Variants in CYRIA observed in about 807,000 individuals in gnomAD.
CYRIA encodes CYFIP related Rac1 interactor A.
In CYRIA, 15 loss-of-function variants were observed where a neutral mutation model predicts 43.9. That is an observed-to-expected ratio of 0.34 (90% CI 0.23 to 0.53). The LOEUF is 0.53. Ranked by LOEUF, CYRIA falls within the 20% of genes least tolerant of loss-of-function variation. CYRIA has a pLI of 0.94. For missense variants in CYRIA, 236 were observed against 394.2 expected, an observed-to-expected ratio of 0.60 and a Z score of 3.40; for synonymous variants, 117 against 136.0, an observed-to-expected ratio of 0.86 and a Z score of 0.97.
chr2:16,633,638 C>T (rs963176432), intron 1 of CYRIA, among the ~76,000 whole-genome samples: 24 of 143,540 alleles, frequency 1.7e-4, no homozygotes, highest in Non-Finnish European at 3.1e-4. Context: ...GTCTCAGCCT[C>T]CCACGGTGCT....
chr2:16,626,307 A>T (rs867002604), intron 1 of CYRIA, among the ~76,000 whole-genome samples: 4 of 152,096 alleles, frequency 2.6e-5, no homozygotes, highest in South Asian at 4.1e-4. Context: ...AGAAGCTCAC[A>T]AAAAATACAG....
intron 2 of CYRIA, among the ~76,000 whole-genome samples, chr2:16,592,153 A>G (rs1473793292): frequency 6.6e-6 from 1 of 152,176 alleles, no homozygotes; most frequent in Non-Finnish European, 1.5e-5. Flanking sequence ...CACTCAAAGG[A>G]AATACTCACT....
At chr2:16,563,456 TG>T (rs2103414781) in intron 5 of CYRIA, among the ~76,000 whole-genome samples, 1 of 152,290 alleles carries the variant, frequency 6.6e-6, no homozygotes, top group East Asian at 1.9e-4. Context: ...GCATCCTCCC[TG>T]GGGAGTGATT....
At chr2:16,644,746 G>C (rs943632035) in intron 1 of CYRIA, among the ~76,000 whole-genome samples, 4 of 152,132 alleles carry the variant, frequency 2.6e-5, no homozygotes, top group African/African-American at 9.7e-5. Context: ...GCATCACTGC[G>C]CATGCCTTCC....
rs1666230750 is a variant in CYRIA, at chr2:16,549,818, A to T, written c.*3118T>A. 1 of 152,144 alleles carries T rather than the reference A, an allele frequency of 6.6e-6. No individual in the cohort carries two copies. The highest frequency in any genetic ancestry group is 6.6e-5 in the Admixed American group (1 of 15,252). The allele number at this position is 152,144 out of a possible 1,614,324, so 9.4% of individuals were successfully genotyped here. A position where few individuals can be genotyped will look rare whatever the true frequency, so the allele number is the denominator to read the frequency against. On this transcript the variant is annotated 3_prime_UTR_variant, in exon 12 of 12. Coordinates refer to ENST00000381323, the MANE Select transcript of CYRIA (RefSeq NM_030797.4). ...ATGAAATTATTTTTACTTAAATGTG[A>T]TGATGCATCAGTAACCTCAGTTTAC...
At chr2:16,661,587 A>G (rs962733934) in intron 1 of CYRIA, among the ~76,000 whole-genome samples, 2 of 152,236 alleles carry the variant, frequency 1.3e-5, no homozygotes, top group Admixed American at 1.3e-4. Flanking sequence ...CAACTGCAGA[A>G]GCAATTCTTA....
At chr2:16,564,876 G>A (rs1212128873) in intron 4 of CYRIA, among the ~76,000 whole-genome samples, 10 of 152,098 alleles carry the variant, frequency 6.6e-5, no homozygotes, top group Admixed American at 6.6e-4. Context: ...TAAGACATTT[G>A]AGATGACAAA....
intron 1 of CYRIA, among the ~76,000 whole-genome samples, chr2:16,635,375 A>C (rs1266164457): frequency 6.6e-6 from 1 of 152,330 alleles, no homozygotes; most frequent in East Asian, 1.9e-4. Context: ...AGCTTGCAGG[A>C]ACCCTGGGAG....
intron 2 of CYRIA, among the ~76,000 whole-genome samples, chr2:16,604,974 G>A (rs1350961076): frequency 6.6e-6 from 1 of 152,154 alleles, no homozygotes; most frequent in African/African-American, 2.4e-5. Flanking sequence ...TTTTCAAAAC[G>A]TTTTAACACT....
chr2:16,660,005 G>A (rs1558446207), intron 1 of CYRIA, among the ~76,000 whole-genome samples: 2 of 151,956 alleles, frequency 1.3e-5, no homozygotes, highest in Non-Finnish European at 2.9e-5. Flanking sequence ...CCAGAAAGTG[G>A]CTCCCTTTCT....
chr2:16,561,309 TAA>T (rs1666721702), intron 7 of CYRIA, 32 bp from the exon 8 acceptor site: 1 of 1,556,432 alleles, frequency 6.4e-7, no homozygotes, highest in African/African-American at 1.4e-5. Flanking sequence ...GATGGATTTA[TAA>T]AGAGAAAGTC....
chr2:16,610,249 C>T (rs1317494105), intron 2 of CYRIA, among the ~76,000 whole-genome samples: 2 of 152,156 alleles, frequency 1.3e-5, no homozygotes, highest in African/African-American at 4.8e-5. Flanking sequence ...AGTAACTTGC[C>T]TAGGGTAACT....
At chr2:16,649,017 T>C (rs1389089242) in intron 1 of CYRIA, among the ~76,000 whole-genome samples, 1 of 152,182 alleles carries the variant, frequency 6.6e-6, no homozygotes, top group African/African-American at 2.4e-5. Context: ...GCCTTTCATA[T>C]TCACAGTTCC....
chr2:16,627,261 ACCCTCCGGGGT>A (rs1669200714), intron 1 of CYRIA, among the ~76,000 whole-genome samples: 3 of 146,126 alleles, frequency 2.1e-5, no homozygotes, highest in African/African-American at 8.0e-5. Flanking sequence ...CTGTGTCCCC[ACCCTCCGGGGT>A]GGGCAATCAA....
intron 3 of CYRIA, among the ~76,000 whole-genome samples, chr2:16,574,012 G>A (rs1354988068): frequency 6.6e-6 from 1 of 152,180 alleles, no homozygotes; most frequent in Non-Finnish European, 1.5e-5. Context: ...CAGAAGACAG[G>A]AAAATGTGGA....
At chr2:16,659,038 G>A (rs925516966) in intron 1 of CYRIA, among the ~76,000 whole-genome samples, 8 of 152,214 alleles carry the variant, frequency 5.3e-5, no homozygotes, top group Admixed American at 2.0e-4. Context: ...GTGGAGGTGG[G>A]CTGAGCAAAG....
chr2:16,627,770 G>A (rs192897647), intron 1 of CYRIA, among the ~76,000 whole-genome samples: 1 of 152,320 alleles, frequency 6.6e-6, no homozygotes, highest in Admixed American at 6.5e-5. Context: ...CTGCTGTGCA[G>A]GCAGAATTAG....
chr2:16,564,230 C>A, intron 4 of CYRIA, 136 bp from the exon 5 acceptor site: 1 of 598,324 alleles, frequency 1.7e-6, no homozygotes, highest in Non-Finnish European at 2.9e-6. Context: ...ACCGGTTCAT[C>A]GGATGGTCCT....
intron 1 of CYRIA, among the ~76,000 whole-genome samples, chr2:16,660,330 G>A (rs1670214836): frequency 6.6e-6 from 1 of 152,212 alleles, no homozygotes; most frequent in South Asian, 2.1e-4. Flanking sequence ...AGCCTTCCAG[G>A]ACAAGCGTGT....
Sources: allele counts gnomAD v4.1 joint callset (sites outside exome capture counted in the v4.1 genomes callset), GRCh38; gene constraint gnomAD v4.1.1; transcripts MANE v1.5; gene names NCBI Gene and HGNC (gene_info 2026-07-23, HGNC 2026-07-21).